The following SIRT1 variants were observed in gnomAD, a reference collection of about 807,000 sequenced individuals.
SIRT1 encodes NAD-dependent protein deacetylase sirtuin-1.
SIRT1 carries 24 observed loss-of-function variants against 67.9 expected under a neutral mutation model. That is an observed-to-expected ratio of 0.35 (90% CI 0.26 to 0.50). The LOEUF (loss-of-function observed/expected upper bound fraction) is 0.50. SIRT1 is among the 20% of genes least tolerant of loss of function. The probability of loss-of-function intolerance (pLI) is 0.98; values close to 1 mark genes in which losing one functional copy is unlikely to be tolerated. For synonymous variants in SIRT1, 378 were observed against 350.7 expected (o/e 1.08, Z -0.87); for missense variants, 873 against 937.2 (o/e 0.93, Z 0.89).
rs1842527444 is a variant in SIRT1 at position 67,888,907 on chromosome 10, T to A, written c.573T>A (p.His191Gln). Residue 191 changes from histidine to glutamine, a missense_variant, in exon 3 of 9, where the codon CAT becomes CAA. Physicochemically the swap from His to Gln is conservative, Grantham distance 24. Transcript: ENST00000212015. ...GTCCATATACTTTTGTTCAGCAACA[T>A]CTTATGATTGGCACAGATCCTCGAA... ...RIGPYTFVQQ[H>Q]LMIGTDPRTI... 2 of 1,613,000 alleles carry A rather than the reference T, an allele frequency of 1.2e-6. No individual in the cohort carries two copies. Among genetic ancestry groups the A allele is most frequent in the Non-Finnish European group, 1.7e-6 (2 of 1,179,340 alleles).
intron 4 of SIRT1, among the ~76,000 whole-genome samples, chr10:67,899,508 A>G (rs1370516187): frequency 4.0e-5 from 6 of 151,808 alleles, no homozygotes; most frequent in African/African-American, 1.5e-4. Context: ...GGGAAAAAAA[A>G]TTTGTGTTGG....
intron 4 of SIRT1, among the ~76,000 whole-genome samples, chr10:67,898,797 C>T (rs1842698195): frequency 6.6e-6 from 1 of 152,186 alleles, no homozygotes. Flanking sequence ...GACCTCACCT[C>T]TGCACACCAG....
chr10:67,893,913 A>G (rs765112406), intron 4 of SIRT1, among the ~76,000 whole-genome samples: 2 of 152,224 alleles, frequency 1.3e-5, no homozygotes, highest in African/African-American at 2.4e-5. Context: ...GTATATTTAC[A>G]TGACTACAGG....
Position 67,912,585 on chromosome 10 carries a change from G to A in SIRT1, c.1469G>A (p.Cys490Tyr). 6.2e-7 allele frequency: 1 copy of A among 1,614,092 alleles called. No homozygotes were observed. Among genetic ancestry groups the A allele is most frequent in the Non-Finnish European group, 8.5e-7 (1 of 1,180,026 alleles). The change falls in exon 8 of 9, where the codon TGT (cysteine) becomes TAT (tyrosine). Residue 490 changes from cysteine (C) to tyrosine (Y), a missense_variant. By Grantham distance (194) the Cys-to-Tyr change is radical. Around this residue, in one of 3 missense-constraint regions of SIRT1, gnomAD observed 251 missense variants for 358.8 expected, o/e 0.70. Coordinates refer to ENST00000212015, the MANE Select transcript of SIRT1 (RefSeq NM_012238.5). ...TGTGATGTCATAATTAATGAATTGTGTCATAGGTTAGGTGGTGAATATGCC... is the reference window on the plus strand; with the variant it reads ...TGTGATGTCATAATTAATGAATTGTATCATAGGTTAGGTGGTGAATATGCC... ...GDCDVIINEL[C>Y]HRLGGEYAKL...
At chr10:67,890,558 A>C (rs920516344) in intron 3 of SIRT1, among the ~76,000 whole-genome samples, 1 of 151,584 alleles carries the variant, frequency 6.6e-6, no homozygotes, top group African/African-American at 2.4e-5. Flanking sequence ...CACCCTGAGC[A>C]ACATAGACCC....
chr10:67,918,185 TTTAAA>T lies in SIRT1; in HGVS notation c.*1596_*1600del, dbSNP rs2131898727. On this transcript the variant is annotated 3_prime_UTR_variant, in exon 9 of 9. Coordinates refer to ENST00000212015, the MANE Select transcript of SIRT1 (RefSeq NM_012238.5). ...TGATATTTTAAATTGAAAAGTTTGT[TTTAAA>T]TTATTTTTACAGTGAAGACTGTTTT... The T allele has an allele frequency of 1.3e-5, 2 of 152,784 alleles. No homozygotes were observed. Among genetic ancestry groups the T allele is most frequent in the South Asian group, 2.1e-4 (1 of 4,826 alleles). The allele number at this position is 152,784 out of a possible 1,614,324, so 9.5% of individuals were successfully genotyped here.
chr10:67,910,960 C>G (rs1462364405), intron 7 of SIRT1, among the ~76,000 whole-genome samples: 1 of 152,136 alleles, frequency 6.6e-6, no homozygotes, highest in African/African-American at 2.4e-5. Flanking sequence ...GCAGTCAAGG[C>G]AGCCAGAGTA....
At chr10:67,916,201 C>T in intron 8 of SIRT1, 64 bp from the exon 9 acceptor site, 1 of 1,399,800 alleles carries the variant, frequency 7.1e-7, no homozygotes, top group Non-Finnish European at 9.8e-7. Context: ...CACTTCATTC[C>T]AGACTGCTCA....
chr10:67,908,216 A>G, intron 6 of SIRT1, 91 bp downstream of exon 6: 4 of 1,017,606 alleles, frequency 3.9e-6, no homozygotes, highest in Non-Finnish European at 5.9e-6. Flanking sequence ...TTTAAAGTAT[A>G]TATGGTACAG....
chr10:67,915,857 C>T (rs2029892339), intron 8 of SIRT1, among the ~76,000 whole-genome samples: 1 of 152,060 alleles, frequency 6.6e-6, no homozygotes, highest in East Asian at 1.9e-4. Context: ...TTCACACTTC[C>T]CTCCTTCATA....
intron 3 of SIRT1, 144 bp from the exon 4 acceptor site, chr10:67,891,257 GT>G (rs1365210858): frequency 3.2e-6 from 2 of 624,994 alleles, no homozygotes; most frequent in Admixed American, 3.1e-5. Context: ...TGAAATAAGG[GT>G]AGGGTTGTAT....
At chr10:67,895,697 T>C (rs1381432398) in intron 4 of SIRT1, among the ~76,000 whole-genome samples, 1 of 150,596 alleles carries the variant, frequency 6.6e-6, no homozygotes, top group East Asian at 2.0e-4. Context: ...CCATCTATTA[T>C]ATCATTGATT....
intron 5 of SIRT1, among the ~76,000 whole-genome samples, chr10:67,907,497 AAAAAAAAAAAAG>A (rs1564891426): frequency 6.7e-6 from 1 of 148,276 alleles, no homozygotes; most frequent in African/African-American, 2.5e-5. Flanking sequence ...TGTCAAAAAA[AAAAAAAAAAAAG>A]AAAAAGAAAT....
At chr10:67,914,381 A>T (rs1034955344) in intron 8 of SIRT1, among the ~76,000 whole-genome samples, 6 of 152,148 alleles carry the variant, frequency 3.9e-5, no homozygotes, top group Admixed American at 2.6e-4. Flanking sequence ...CAAAAGGTAG[A>T]TTCTACTTGG....
rs1458010127 is a variant in SIRT1, at chr10:67,884,673, A to G, written c.-49A>G. ...GCGGGGGCGCCAGTGCCGCGCGTCGAGCGGGAGCAGAGGAGGCGAGGGAGG... is the reference window on the plus strand; with the variant it reads ...GCGGGGGCGCCAGTGCCGCGCGTCGGGCGGGAGCAGAGGAGGCGAGGGAGG... On this transcript the variant is annotated 5_prime_UTR_variant, in exon 1 of 9. Transcript: ENST00000212015. The G allele has an allele frequency of 1.6e-6, 2 of 1,225,390 alleles. No individual in the cohort carries two copies. The highest frequency in any genetic ancestry group is 4.2e-5 in the South Asian group (1 of 23,766). 75.9% of individuals were successfully genotyped at this position (1,225,390 alleles called of 1,614,324 possible). A position where few individuals can be genotyped will look rare whatever the true frequency, so the allele number is the denominator to read the frequency against.
intron 4 of SIRT1, among the ~76,000 whole-genome samples, chr10:67,897,513 C>T (rs760085666): frequency 2.0e-5 from 3 of 151,800 alleles, no homozygotes; most frequent in South Asian, 2.1e-4. Flanking sequence ...TACAGGTGCC[C>T]GCCACCATGC....
At chr10:67,887,573 G>A in intron 2 of SIRT1, 40 bp downstream of exon 2, 1 of 1,396,166 alleles carries the variant, frequency 7.2e-7, no homozygotes, top group South Asian at 1.2e-5. Context: ...GTAAATGTAC[G>A]GTTTTTGGTT....
chr10:67,908,544 T>C (rs1330609276), intron 6 of SIRT1, among the ~76,000 whole-genome samples: 1 of 152,152 alleles, frequency 6.6e-6, no homozygotes, highest in African/African-American at 2.4e-5. Context: ...CAGAAATATG[T>C]CCTGTGTGCT....
At chr10:67,895,738 TTTTTTTTTTG>T (rs1040071575) in intron 4 of SIRT1, among the ~76,000 whole-genome samples, 18 of 86,274 alleles carry the variant, frequency 2.1e-4, no homozygotes, top group African/African-American at 7.3e-4. Flanking sequence ...AACTTGTTTT[TTTTTTTTTTG>T]TTTTTTTTTT....
Sources: allele counts gnomAD v4.1 joint callset (sites outside exome capture counted in the v4.1 genomes callset), GRCh38; gene constraint gnomAD v4.1.1; regional missense constraint gnomAD v4.1.1; transcripts MANE v1.5; gene names NCBI Gene and HGNC (gene_info 2026-07-23, HGNC 2026-07-21).